Variants in QPCT observed in about 807,000 individuals in gnomAD.
The protein encoded by QPCT is glutaminyl-peptide cyclotransferase, also known as EC.
A neutral mutation model predicts 43.4 loss-of-function variants in QPCT; 44 were observed. The observed-to-expected ratio is 1.01, with a 90% CI of 0.80 to 1.30. The LOEUF (loss-of-function observed/expected upper bound fraction) is 1.30. QPCT is among the 50% of genes most tolerant of loss of function. QPCT has a pLI of 0.00. For missense variants in QPCT, 526 were observed against 436.5 expected, an observed-to-expected ratio of 1.21 and a Z score of -1.83; for synonymous variants, 168 against 168.4, an observed-to-expected ratio of 1.00 and a Z score of 0.02.
At position 37,344,660 on chromosome 2, in the gene QPCT, C is replaced by T; in HGVS notation, c.-72C>T. On this transcript the variant is annotated 5_prime_UTR_variant, in exon 1 of 7. Transcript: ENST00000338415. The stretch of plus-strand genomic sequence containing the variant: ...ACCCAAGGGTGGAGAAGAGGGAAGG[C>T]GAAGGACGCGCGTTCCCGGGCTCGT... The T allele has an allele frequency of 2.6e-6, 4 of 1,528,802 alleles. No homozygotes were observed. Among genetic ancestry groups the T allele is most frequent in the South Asian group, 1.2e-5 (1 of 82,354 alleles). The allele number at this position is 1,528,802 out of a possible 1,614,324, so 94.7% of individuals were successfully genotyped here. A position where few individuals can be genotyped will look rare whatever the true frequency, so the allele number is the denominator to read the frequency against.
chr2:37,367,087 G>A, intron 3 of QPCT, 145 bp from the exon 4 acceptor site: 1 of 806,262 alleles, frequency 1.2e-6, no homozygotes, highest in South Asian at 1.8e-5. Context: ...AAGTGGTGTG[G>A]AATAAATTTT....
At chr2:37,370,979 C>T (rs898039630) in intron 5 of QPCT, among the ~76,000 whole-genome samples, 1 of 152,154 alleles carries the variant, frequency 6.6e-6, no homozygotes, top group Non-Finnish European at 1.5e-5. Context: ...GCAAGATAGA[C>T]TTGTATTACT....
intron 2 of QPCT, among the ~76,000 whole-genome samples, chr2:37,357,622 G>A (rs1430869574): frequency 6.6e-6 from 1 of 152,130 alleles, no homozygotes; most frequent in East Asian, 1.9e-4. Context: ...GAAAAGTTAA[G>A]GTACTGCATG....
At chr2:37,362,935 G>C (rs1672880720) in intron 3 of QPCT, among the ~76,000 whole-genome samples, 1 of 142,894 alleles carries the variant, frequency 7.0e-6, no homozygotes, top group African/African-American at 3.1e-5. Flanking sequence ...CCACAGATGA[G>C]AAAATATTTT....
intron 1 of QPCT, among the ~76,000 whole-genome samples, chr2:37,347,569 G>C (rs1264394836): frequency 6.6e-6 from 1 of 152,002 alleles, no homozygotes; most frequent in Non-Finnish European, 1.5e-5. Context: ...AAAACAGGTA[G>C]TTTGGTTTTG....
At chr2:37,357,177 T>A (rs1294905789) in intron 2 of QPCT, among the ~76,000 whole-genome samples, 1 of 152,224 alleles carries the variant, frequency 6.6e-6, no homozygotes, top group African/African-American at 2.4e-5. Context: ...ATATATTTTT[T>A]AAAATTCCAA....
chr2:37,373,255 G>T lies in QPCT; in HGVS notation c.*428G>T, dbSNP rs1039906085. ...CAAAACAAACATGTAGTTTGAAGGCGGTCAGATTTCTTTGAGAAATCTTTG... is the reference window on the plus strand; with the variant it reads ...CAAAACAAACATGTAGTTTGAAGGCTGTCAGATTTCTTTGAGAAATCTTTG... On this transcript the variant is annotated 3_prime_UTR_variant, in exon 7 of 7. Transcript: ENST00000338415. 2 of 152,184 alleles carry T rather than the reference G, an allele frequency of 1.3e-5. No individual in the cohort carries two copies. The highest frequency in any genetic ancestry group is 6.6e-5 in the Admixed American group (1 of 15,262). 9.4% of individuals were successfully genotyped at this position (152,184 alleles called of 1,614,324 possible). A position where few individuals can be genotyped will look rare whatever the true frequency, so the allele number is the denominator to read the frequency against.
chr2:37,359,616 T>G lies in QPCT; in HGVS notation c.304T>G (p.Trp102Gly). The G allele has an allele frequency of 6.2e-7, 1 of 1,614,208 alleles. No homozygotes were observed. The highest frequency in any genetic ancestry group is 1.1e-5 in the South Asian group (1 of 91,086). ...MQRIQRLQAD[W>G]VLEIDTFLSQ... ...GCGAATTCAGAGGCTTCAGGCTGAC[T>G]GGGTCTTGGAAATAGACACCTTCTT... Residue 102 changes from tryptophan to glycine, a missense_variant, in exon 3 of 7, where the codon TGG (tryptophan) becomes GGG (glycine). Physicochemically the swap from Trp to Gly is radical, Grantham distance 184. Transcript: ENST00000338415.
At chr2:37,360,735 A>T (rs547580507) in intron 3 of QPCT, among the ~76,000 whole-genome samples, 1 of 152,172 alleles carries the variant, frequency 6.6e-6, no homozygotes, top group Non-Finnish European at 1.5e-5. Flanking sequence ...AGACTTGTTT[A>T]TACCCTCTCA....
Position 37,372,981 on chromosome 2 carries a change from C to G in QPCT, c.*154C>G. ...GTGTCTTTGGTTATCAGATCAATTA[C>G]AGAATAATTGTGTTGTGATATTGTG... On this transcript the variant is annotated 3_prime_UTR_variant, in exon 7 of 7. Coordinates refer to ENST00000338415, the MANE Select transcript of QPCT (RefSeq NM_012413.4). 3 of 609,810 alleles carry G rather than the reference C, an allele frequency of 4.9e-6. No homozygotes were observed. Among genetic ancestry groups the G allele is most frequent in the Non-Finnish European group, 7.8e-6 (3 of 383,582 alleles). 37.8% of individuals were successfully genotyped at this position (609,810 alleles called of 1,614,324 possible). A position where few individuals can be genotyped will look rare whatever the true frequency, so the allele number is the denominator to read the frequency against.
intron 2 of QPCT, among the ~76,000 whole-genome samples, chr2:37,357,054 A>T (rs2124935787): frequency 6.6e-6 from 1 of 152,144 alleles, no homozygotes; most frequent in East Asian, 1.9e-4. Flanking sequence ...TTGAGGATAT[A>T]TGCTGATTCT....
At chr2:37,368,798 T>G (rs1315476010) in intron 4 of QPCT, 59 of 399,032 alleles carry the variant, frequency 1.5e-4, no homozygotes, top group Non-Finnish European at 9.2e-5. Context: ...CCACAGTGAT[T>G]CATATATTTG....
intron 4 of QPCT, among the ~76,000 whole-genome samples, chr2:37,368,127 A>C (rs905467919): frequency 6.6e-6 from 1 of 152,186 alleles, no homozygotes; most frequent in East Asian, 1.9e-4. Flanking sequence ...TGGTGGCTTC[A>C]AAGTATTACC....
chr2:37,347,245 T>TATATATATATATATAA (rs1342216739), intron 1 of QPCT, among the ~76,000 whole-genome samples: 13 of 108,110 alleles, frequency 1.2e-4, no homozygotes, highest in Non-Finnish European at 3.6e-5. Context: ...TATATATATA[T>TATATATATATATATAA]AACATATATA....
intron 1 of QPCT, among the ~76,000 whole-genome samples, chr2:37,347,218 C>CATATATATAACAT (rs1558599557): frequency 2.9e-4 from 18 of 62,362 alleles, no homozygotes; most frequent in African/African-American, 1.4e-3. Flanking sequence ...ATATATATAA[C>CATATATATAACAT]ATATATATAT....
chr2:37,354,619 A>G lies in QPCT; in HGVS notation c.267+1684A>G, dbSNP rs148923104. ...GAATCAGCTCTGCTTCGTGCACTCA[A>G]ATGTCTCCAGCTCTCGATCTTCTCA... On this transcript the variant is annotated intron_variant, in intron 2 of 6. Coordinates refer to ENST00000338415, the MANE Select transcript of QPCT (RefSeq NM_012413.4). 3.5e-3 allele frequency among the ~76,000 whole-genome samples: 526 copies of G among 152,276 alleles called. 2 individuals are homozygous for G. The highest frequency in any genetic ancestry group is 0.012 in the African/African-American group (492 of 41,554).
At position 37,369,796 on chromosome 2, in the gene QPCT, T is replaced by C. The variant is rs72866714; in HGVS notation, c.823+12T>C. ...ACTTCAAGCAATTGGTAAGCACCAC[T>C]GTTATTAATGAATAAAACATCATTT... On this transcript the variant is annotated intron_variant, in intron 5 of 6. Coordinates refer to ENST00000338415, the MANE Select transcript of QPCT (RefSeq NM_012413.4). 1.7e-3 allele frequency: 2,648 copies of C among 1,527,824 alleles called. 42 individuals are homozygous for C. The African/African-American group carries it at 0.031, about 18-fold the overall frequency. The allele number at this position is 1,527,824 out of a possible 1,614,324, so 94.6% of individuals were successfully genotyped here.
intron 5 of QPCT, 98 bp from the exon 6 acceptor site, chr2:37,372,258 A>G: frequency 1.2e-6 from 1 of 856,528 alleles, no homozygotes. Flanking sequence ...AATTATGGAC[A>G]CATGTGCTAA....
At chr2:37,348,400 A>T (rs1672551914) in intron 1 of QPCT, among the ~76,000 whole-genome samples, 1 of 152,188 alleles carries the variant, frequency 6.6e-6, no homozygotes, top group African/African-American at 2.4e-5. Flanking sequence ...GTTCCTAACT[A>T]TTCCCCCACT....
Sources: allele counts gnomAD v4.1 joint callset (sites outside exome capture counted in the v4.1 genomes callset), GRCh38; gene constraint gnomAD v4.1.1; transcripts MANE v1.5; gene names NCBI Gene and HGNC (gene_info 2026-07-23, HGNC 2026-07-21).